The following IL1R1 variants were observed in gnomAD, a reference collection of about 807,000 sequenced individuals.
The protein encoded by IL1R1 is interleukin-1 receptor type 1.
IL1R1 carries 22 observed loss-of-function variants against 50.2 expected under a neutral mutation model. The ratio of observed to expected loss-of-function variants is 0.44; its 90% CI spans 0.31 to 0.63. IL1R1 has a LOEUF of 0.63. IL1R1 is among the 20% of genes least tolerant of loss of function. The pLI is 0.07. For synonymous variants in IL1R1, 251 were observed against 236.7 expected (o/e 1.06, Z -0.55); for missense variants, 509 against 676.2 (o/e 0.75, Z 2.74).
chr2:102,096,702 T>G (rs1249577406), intron 1 of IL1R1, among the ~76,000 whole-genome samples: 1 of 152,080 alleles, frequency 6.6e-6, no homozygotes, highest in Non-Finnish European at 1.5e-5. Context: ...AGTGGAAGTT[T>G]TTAATAATAA....
intron 3 of IL1R1, among the ~76,000 whole-genome samples, chr2:102,158,717 G>A (rs533569497): frequency 2.6e-5 from 4 of 152,248 alleles, no homozygotes; most frequent in African/African-American, 7.2e-5. Context: ...CCTTTTTTAG[G>A]GTCTTGGCTT....
At chr2:102,155,981 G>C (rs941531743) in intron 2 of IL1R1, among the ~76,000 whole-genome samples, 1 of 152,182 alleles carries the variant, frequency 6.6e-6, no homozygotes, top group African/African-American at 2.4e-5. Context: ...CTAATGATCA[G>C]ACAAGCCAGG....
chr2:102,077,942 T>C (rs1679043086), intron 1 of IL1R1, among the ~76,000 whole-genome samples: 1 of 152,070 alleles, frequency 6.6e-6, no homozygotes, highest in East Asian at 1.9e-4. Flanking sequence ...CACAAATATG[T>C]GAAAATTAAA....
rs1686401312 is a variant in IL1R1 at position 102,179,414 on chromosome 2, G to T, written c.*2655G>T. On this transcript the variant is annotated 3_prime_UTR_variant, in exon 12 of 12. Transcript: ENST00000410023. ...CCCCATCTTCCAAGGGTTGAATTCT[G>T]GAGGAAGAAGACACATTCCTAGTTC... 6.6e-6 allele frequency: 1 copy of T among 152,306 alleles called. No individual in the cohort carries two copies. Among genetic ancestry groups the T allele is most frequent in the South Asian group, 2.1e-4 (1 of 4,832 alleles). The allele number at this position is 152,306 out of a possible 1,614,324, so 9.4% of individuals were successfully genotyped here.
In IL1R1 at chr2:102,179,448, C is replaced by T. The variant is rs1167740991; in HGVS notation, c.*2689C>T. On this transcript the variant is annotated 3_prime_UTR_variant, in exon 12 of 12. Coordinates refer to ENST00000410023, the MANE Select transcript of IL1R1 (RefSeq NM_000877.4). ...AGACACATTCCTAGTTCCCCGTGAA[C>T]TTCCTTTGACTTATTGTCCCCACTA... 2.6e-5 allele frequency: 4 copies of T among 152,382 alleles called. No individual in the cohort carries two copies. Among genetic ancestry groups the T allele is most frequent in the African/African-American group, 4.8e-5 (2 of 41,446 alleles). The allele number at this position is 152,382 out of a possible 1,614,324, so 9.4% of individuals were successfully genotyped here.
intron 1 of IL1R1, among the ~76,000 whole-genome samples, chr2:102,136,389 T>G (rs1422915731): frequency 1.3e-5 from 2 of 149,450 alleles, no homozygotes; most frequent in African/African-American, 4.9e-5. Context: ...TTTTTTTTTT[T>G]TTTTTGAGAC....
intron 1 of IL1R1, among the ~76,000 whole-genome samples, chr2:102,116,595 A>G (rs1240084518): frequency 3.3e-5 from 5 of 152,210 alleles, no homozygotes; most frequent in Admixed American, 2.6e-4. Flanking sequence ...AAAAAAGAGT[A>G]AAGGGAGGTC....
chr2:102,076,809 C>A (rs541005635), intron 1 of IL1R1, among the ~76,000 whole-genome samples: 13 of 151,680 alleles, frequency 8.6e-5, no homozygotes. Flanking sequence ...GGCTTGTTGC[C>A]CTTCTTGGAT....
At chr2:102,113,348 G>A (rs959328239) in intron 1 of IL1R1, among the ~76,000 whole-genome samples, 2 of 152,226 alleles carry the variant, frequency 1.3e-5, no homozygotes, top group Admixed American at 1.3e-4. Flanking sequence ...GTACTTGTAA[G>A]TTATCCATCT....
At chr2:102,155,775 C>A (rs542373067) in intron 2 of IL1R1, among the ~76,000 whole-genome samples, 73 of 152,344 alleles carry the variant, frequency 4.8e-4, no homozygotes, top group African/African-American at 1.7e-3. Context: ...AGGATGAGGT[C>A]TGACATCAGC....
At chr2:102,141,673 G>C (rs926989237), upstream of IL1R1, 3 of 152,202 alleles carry the variant, frequency 2.0e-5, no homozygotes, top group African/African-American at 7.2e-5. Flanking sequence ...CATATCCAGG[G>C]GTGGGTTACG....
At chr2:102,153,805 A>G (rs922061456) in intron 1 of IL1R1, 136 bp from the exon 2 acceptor site, 6 of 152,316 alleles carry the variant, frequency 3.9e-5, no homozygotes, top group Non-Finnish European at 1.5e-5. Context: ...TCTTTCCTTT[A>G]TAAATTACCC....
chr2:102,148,191 T>C (rs866514450), intron 1 of IL1R1, among the ~76,000 whole-genome samples: 1 of 152,202 alleles, frequency 6.6e-6, no homozygotes. Context: ...ATGGAAACCA[T>C]TGTGTCACCT....
At chr2:102,156,648 A>G (rs1456920786) in intron 2 of IL1R1, among the ~76,000 whole-genome samples, 1 of 152,014 alleles carries the variant, frequency 6.6e-6, no homozygotes, top group South Asian at 2.1e-4. Flanking sequence ...AGTGGCTGGG[A>G]TTACAGGCAT....
chr2:102,100,207 G>T (rs888921934), upstream of IL1R1, among the ~76,000 whole-genome samples: 5 of 152,132 alleles, frequency 3.3e-5, no homozygotes, highest in African/African-American at 1.2e-4. Context: ...ACTTGTATTT[G>T]CTTCCTTTGG....
At chr2:102,150,571 T>C (rs1293513421) in intron 1 of IL1R1, among the ~76,000 whole-genome samples, 1 of 152,346 alleles carries the variant, frequency 6.6e-6, no homozygotes, top group Admixed American at 6.5e-5. Flanking sequence ...GATACGCCAG[T>C]GTTACCAAAT....
intron 1 of IL1R1, among the ~76,000 whole-genome samples, chr2:102,072,431 G>T (rs1402509792): frequency 6.6e-6 from 1 of 152,146 alleles, no homozygotes; most frequent in Non-Finnish European, 1.5e-5. Context: ...GTTTACACTT[G>T]TAATAGATGT....
At chr2:102,148,505 G>A (rs562142388) in intron 1 of IL1R1, among the ~76,000 whole-genome samples, 165 of 152,372 alleles carry the variant, frequency 1.1e-3, no homozygotes, top group African/African-American at 3.8e-3. Flanking sequence ...CCCACTGCAA[G>A]TGATGCTTCT....
chr2:102,074,792 T>C (rs1169841306), intron 1 of IL1R1, among the ~76,000 whole-genome samples: 1 of 152,224 alleles, frequency 6.6e-6, no homozygotes, highest in Non-Finnish European at 1.5e-5. Context: ...GATTTTGCTG[T>C]CATTTAAAAC....
Sources: gnomAD v4.1 joint callset for allele counts (sites outside exome capture counted in the v4.1 genomes callset) on GRCh38, gnomAD v4.1.1 for gene constraint, MANE v1.5 for transcripts, NCBI Gene and HGNC (gene_info 2026-07-23, HGNC 2026-07-21) for gene names.